The following LRCH3 variants were observed in gnomAD, a reference collection of about 807,000 sequenced individuals.
LRCH3 encodes the protein leucine rich repeats and calponin homology domain containing 3, also known as DISP complex protein LRCH3.
LRCH3 carries 68 observed loss-of-function variants against 104.5 expected under a neutral mutation model. The observed-to-expected ratio is 0.65, with a 90% CI of 0.54 to 0.80. The LOEUF is 0.80. LRCH3 is among the 30% of genes least tolerant of loss of function. The pLI, the probability that LRCH3 is intolerant of heterozygous loss-of-function variation, is 0.00. For missense variants in LRCH3, 951 were observed against 953.9 expected (o/e 1.00, Z 0.04); for synonymous variants, 344 against 361.3 (o/e 0.95, Z 0.54).
At chr3:197,836,831 C>T (rs184195426) in intron 9 of LRCH3, among the ~76,000 whole-genome samples, 124 of 152,226 alleles carry the variant, frequency 8.1e-4, no homozygotes, top group African/African-American at 2.9e-3. Flanking sequence ...GCACCTGCCA[C>T]CATGCCCGGC....
chr3:197,833,364 C>CAAAA (rs1736225765), intron 8 of LRCH3, among the ~76,000 whole-genome samples: 1 of 3,588 alleles, frequency 2.8e-4, no homozygotes, highest in African/African-American at 1.0e-3. Context: ...TACTAAAAAC[C>CAAAA]GAAAAAAAAA....
chr3:197,860,390 C>T (rs1015841667), intron 15 of LRCH3, among the ~76,000 whole-genome samples: 2 of 152,136 alleles, frequency 1.3e-5, no homozygotes, highest in African/African-American at 4.8e-5. Flanking sequence ...TTACTTGTCT[C>T]ATGTACCAGA....
At chr3:197,866,567 CTACTT>C (rs1741509484) in intron 17 of LRCH3, among the ~76,000 whole-genome samples, 1 of 152,120 alleles carries the variant, frequency 6.6e-6, no homozygotes, top group African/African-American at 2.4e-5. Context: ...GTTTTAAAAT[CTACTT>C]TAAGTCTCAT....
At chr3:197,847,285 C>T (rs1738873710) in intron 10 of LRCH3, 124 bp from the exon 11 acceptor site, 1 of 829,762 alleles carries the variant, frequency 1.2e-6, no homozygotes, top group Admixed American at 3.0e-5. Context: ...TCAATGCTAA[C>T]TAGGCAGTTT....
chr3:197,820,484 C>T (rs557411649), intron 4 of LRCH3, 54 bp downstream of exon 4: 4 of 1,218,560 alleles, frequency 3.3e-6, no homozygotes, highest in Admixed American at 3.7e-5. Context: ...TATTTTAAAG[C>T]TCTCTCAGAC....
Position 197,791,409 on chromosome 3 carries a change from C to G in LRCH3, c.131C>G (p.Ser44Trp), listed in dbSNP as rs1259866460. The part of the protein sequence containing the change: ...SGAGPGFGPG[S>W]WSRSLDRALE... ...GCAGGCCCTGGTTTTGGCCCGGGCT[C>G]GTGGAGCCGCTCTCTCGATCGAGCC... Residue 44 changes from serine (S) to tryptophan (W), a missense_variant, in exon 1 of 21, where the codon TCG becomes TGG. Coordinates refer to ENST00000425562, the MANE Select transcript of LRCH3 (RefSeq NM_001365715.1). 6.3e-7 allele frequency: 1 copy of G among 1,591,712 alleles called. No individual in the cohort carries two copies. The highest frequency in any genetic ancestry group is 8.5e-7 in the Non-Finnish European group (1 of 1,170,860).
At chr3:197,814,746 T>G (rs1023289849) in intron 1 of LRCH3, among the ~76,000 whole-genome samples, 162 bp from the exon 2 acceptor site, 2 of 152,234 alleles carry the variant, frequency 1.3e-5, no homozygotes, top group African/African-American at 4.8e-5. Context: ...TTGGAACTGA[T>G]TGATACGATC....
intron 1 of LRCH3, among the ~76,000 whole-genome samples, chr3:197,797,859 C>CAAAAAAAA (rs749696923): frequency 4.3e-5 from 1 of 23,152 alleles, no homozygotes; most frequent in Non-Finnish European, 1.4e-4. Context: ...GACTCCATCT[C>CAAAAAAAA]AAAAAAAAAA....
In LRCH3 at chr3:197,871,443, A is replaced by G; in HGVS notation, c.2111A>G (p.His704Arg). 6.2e-7 allele frequency: 1 copy of G among 1,613,834 alleles called. No homozygotes were observed. Among genetic ancestry groups the G allele is most frequent in the Non-Finnish European group, 8.5e-7 (1 of 1,179,780 alleles). The change falls in exon 19 of 21, where the codon CAT becomes CGT. Residue 704 changes from histidine (H) to arginine (R), a missense_variant. By Grantham distance (29) the His-to-Arg change is conservative. Coordinates refer to ENST00000425562, the MANE Select transcript of LRCH3 (RefSeq NM_001365715.1). The stretch of plus-strand genomic sequence containing the variant: ...CGACCTCGATCTGTCCCAAGCATTC[A>G]TGTTCCCTCACCAGCTGTAGTAAGT... ...HVRPRSVPSI[H>R]VPSPAVPKLT...
intron 1 of LRCH3, among the ~76,000 whole-genome samples, chr3:197,794,465 A>G (rs1015610529): frequency 6.6e-6 from 1 of 152,202 alleles, no homozygotes; most frequent in Non-Finnish European, 1.5e-5. Context: ...GAACCAACTT[A>G]TGGTAGTTAT....
chr3:197,838,590 T>C (rs1472020456), intron 9 of LRCH3, among the ~76,000 whole-genome samples: 2 of 152,236 alleles, frequency 1.3e-5, no homozygotes, highest in Non-Finnish European at 2.9e-5. Context: ...GTATTGCTTC[T>C]ATAGGTTTTC....
chr3:197,798,080 C>T (rs73210141), intron 1 of LRCH3, among the ~76,000 whole-genome samples: 327 of 151,850 alleles, frequency 2.2e-3, no homozygotes, highest in African/African-American at 3.8e-3. Flanking sequence ...TGGGCAACAT[C>T]GCAAACCTCG....
chr3:197,882,721 T>G, intron 20 of LRCH3: 2 of 985,382 alleles, frequency 2.0e-6, no homozygotes, highest in Non-Finnish European at 2.4e-6. Context: ...AGGGTTAACC[T>G]AACAAATTAA....
chr3:197,812,652 C>T (rs1214562944), intron 1 of LRCH3, among the ~76,000 whole-genome samples: 1 of 151,858 alleles, frequency 6.6e-6, no homozygotes, highest in East Asian at 1.9e-4. Flanking sequence ...CAAACAGCCT[C>T]CTGGGTTCAA....
chr3:197,799,441 TC>T (rs1417669360), intron 1 of LRCH3, among the ~76,000 whole-genome samples: 5 of 152,254 alleles, frequency 3.3e-5, no homozygotes, highest in Non-Finnish European at 7.3e-5. Context: ...ATTTCCTTAT[TC>T]ACTTTTAACT....
At chr3:197,798,431 C>T (rs1181523753) in intron 1 of LRCH3, among the ~76,000 whole-genome samples, 1 of 152,148 alleles carries the variant, frequency 6.6e-6, no homozygotes, top group African/African-American at 2.4e-5. Context: ...CAAAGACTCA[C>T]CATTGGTGTA....
At chr3:197,875,597 C>T (rs555486775) in intron 19 of LRCH3, 101 bp from the exon 20 acceptor site, 15 of 795,734 alleles carry the variant, frequency 1.9e-5, no homozygotes, top group South Asian at 5.1e-5. Context: ...AATGATACAG[C>T]GAGCCAGGCT....
chr3:197,861,622 A>AT (rs1740894222), intron 15 of LRCH3, among the ~76,000 whole-genome samples: 1 of 152,162 alleles, frequency 6.6e-6, no homozygotes, highest in African/African-American at 2.4e-5. Flanking sequence ...TTTATTCTTT[A>AT]TTTTTTTAGT....
chr3:197,792,585 A>ATATATATATATATATATATATATATATAT (rs1252503448), intron 1 of LRCH3, among the ~76,000 whole-genome samples: 1 of 56,368 alleles, frequency 1.8e-5, no homozygotes, highest in African/African-American at 6.0e-5. Flanking sequence ...TTTTATATAT[A>ATATATATATATATATATATATATATATAT]TATATATATA....
Sources: gnomAD v4.1 joint callset for allele counts (sites outside exome capture counted in the v4.1 genomes callset) on GRCh38, gnomAD v4.1.1 for gene constraint, MANE v1.5 for transcripts, NCBI Gene and HGNC (gene_info 2026-07-23, HGNC 2026-07-21) for gene names.